Variants in INTS2 observed in about 807,000 individuals in gnomAD.
The protein encoded by INTS2 is KIAA1287.
Under a neutral mutation model 139.6 loss-of-function variants are expected in INTS2, and 57 were observed. That is an observed-to-expected ratio of 0.41 (90% confidence interval 0.33 to 0.51). INTS2 has a LOEUF of 0.51. INTS2 is among the 20% of genes least tolerant of loss of function. The pLI is 0.28. For missense variants in INTS2, 1,196 were observed against 1,436.7 expected, an observed-to-expected ratio of 0.83 and a Z score of 2.71; for synonymous variants, 473 against 493.4, an observed-to-expected ratio of 0.96 and a Z score of 0.55.
intron 13 of INTS2, 69 bp from the exon 14 acceptor site, chr17:61,891,758 T>C: frequency 1.8e-6 from 2 of 1,126,908 alleles, no homozygotes; most frequent in Admixed American, 2.7e-5. Context: ...ATTATAAAAG[T>C]ACATACAGTT....
At chr17:61,891,290 C>T (rs1436493809) in intron 14 of INTS2, among the ~76,000 whole-genome samples, 1 of 151,514 alleles carries the variant, frequency 6.6e-6, no homozygotes, top group Non-Finnish European at 1.5e-5. Flanking sequence ...CCAGCCTAGG[C>T]AACAAGAGTA....
chr17:61,870,009 G>A lies in INTS2; in HGVS notation c.2779-21C>T, dbSNP rs1378493020. 3 of 1,576,806 alleles carry A rather than the reference G, an allele frequency of 1.9e-6. No homozygotes were observed. The highest frequency in any genetic ancestry group is 3.7e-5 in the Admixed American group (2 of 53,496). On this transcript the variant is annotated intron_variant, in intron 20 of 24. Coordinates refer to ENST00000251334, the MANE Select transcript of INTS2 (RefSeq NM_001351695.2). The surrounding 1 kb of genome is among the most constrained non-coding windows in gnomAD (Gnocchi z 4.4). ...CTATCCTATAAGCAAACAAAACATA[G>A]AAAAAGTAAGAAGTTTCTAAGAAGT...
intron 4 of INTS2, 58 bp from the exon 5 acceptor site, chr17:61,919,571 A>G: frequency 1.1e-6 from 1 of 880,970 alleles, no homozygotes; most frequent in Non-Finnish European, 1.8e-6. Context: ...CACCACACCC[A>G]GCTAATTTTT....
rs1426959925 is a variant in INTS2, at chr17:61,865,788, T to C, written c.*1769A>G. The C allele has an allele frequency of 1.3e-5, 2 of 152,268 alleles. No individual in the cohort carries two copies. Among genetic ancestry groups the C allele is most frequent in the African/African-American group, 4.8e-5 (2 of 41,466 alleles). 9.4% of individuals were successfully genotyped at this position (152,268 alleles called of 1,614,324 possible). A position where few individuals can be genotyped will look rare whatever the true frequency, so the allele number is the denominator to read the frequency against. ...TAAAAATATGAAAATTCTTATGCTA[T>C]TTTTAAGATACTTTTATTACTTTTA... On this transcript the variant is annotated 3_prime_UTR_variant, in exon 25 of 25. Transcript: ENST00000251334. The surrounding 1 kb of genome is among the most constrained non-coding windows in gnomAD (Gnocchi z 4.8).
At chr17:61,880,910 T>C in intron 17 of INTS2, 97 bp downstream of exon 17, 2 of 976,460 alleles carry the variant, frequency 2.0e-6, no homozygotes. Flanking sequence ...CATTGTTATA[T>C]CCATGGGAAA....
intron 8 of INTS2, among the ~76,000 whole-genome samples, 175 bp from the exon 9 acceptor site, chr17:61,904,760 T>C (rs2079443725): frequency 6.6e-6 from 1 of 152,160 alleles, no homozygotes; most frequent in South Asian, 2.1e-4. Context: ...ACAACTACAG[T>C]GTTTTACTGT....
intron 9 of INTS2, among the ~76,000 whole-genome samples, chr17:61,901,501 A>G (rs2079404122): frequency 1.3e-5 from 2 of 150,274 alleles, no homozygotes; most frequent in African/African-American, 4.9e-5. Flanking sequence ...GAGCCAAAAA[A>G]GCACTCTTAG....
intron 9 of INTS2, 74 bp downstream of exon 9, chr17:61,904,386 C>CT: frequency 9.3e-7 from 1 of 1,074,900 alleles, no homozygotes; most frequent in Non-Finnish European, 1.4e-6. Context: ...AAACTCTTAT[C>CT]TAATGCTATA....
Position 61,907,578 on chromosome 17 carries a change from C to G in INTS2, c.1011G>C (p.Leu337=), listed in dbSNP as rs776005330. 2.5e-6 allele frequency: 4 copies of G among 1,593,170 alleles called. No individual in the cohort carries two copies. In the South Asian group the frequency reaches 3.4e-5, roughly 14 times the overall value. ...VLWQMRRQLL[L]ELMGILPTVR... is the part of the protein sequence containing the mutation. ...CTGTGGGAAGAATGCCCATCAACTC[C>G]AGAAGAAGCTGCCTTCTCATCTGCC... is the stretch of plus-strand genomic sequence containing the variant. Residue 337 remains leucine, a synonymous_variant, in exon 8 of 25, where the codon CTG becomes CTC. Coordinates refer to ENST00000251334, the MANE Select transcript of INTS2 (RefSeq NM_001351695.2).
At position 61,883,421 on chromosome 17, in the gene INTS2, A is replaced by C. The variant is rs547925979; in HGVS notation, c.2089+1480T>G. ...GCAGACATCCGGTTAACGATGAGCA[A>C]TGAAGGCTCATGTTTCTCCTTGAAA... On this transcript the variant is annotated intron_variant, in intron 16 of 24. Transcript: ENST00000251334. 3.3e-5 allele frequency among the ~76,000 whole-genome samples: 5 copies of C among 152,004 alleles called. No individual in the cohort carries two copies. In the South Asian group the frequency reaches 1.0e-3, roughly 32 times the overall value.
intron 11 of INTS2, among the ~76,000 whole-genome samples, chr17:61,895,692 ATG>A (rs1399577877): frequency 1.3e-5 from 2 of 152,098 alleles, no homozygotes; most frequent in Non-Finnish European, 2.9e-5. Context: ...GTGTGTGTGT[ATG>A]TGTGTGTCTG....
rs2079089819 is a variant in INTS2, at chr17:61,871,681, C to T, written c.2778+584G>A. On this transcript the variant is annotated intron_variant, in intron 20 of 24. Transcript: ENST00000251334. The surrounding 1 kb of genome is among the most constrained non-coding windows in gnomAD (Gnocchi z 4.9). The stretch of plus-strand genomic sequence containing the variant: ...GGGTGCCGTGGCTCATGCCTGTAAT[C>T]CCAGCACTTTGGGAAGCTGAGGTGG... Among the ~76,000 whole-genome samples, 1 of 152,042 alleles carries T rather than the reference C, an allele frequency of 6.6e-6. No individual in the cohort carries two copies. Among genetic ancestry groups the T allele is most frequent in the African/African-American group, 2.4e-5 (1 of 41,398 alleles).
Position 61,878,007 on chromosome 17 carries a change from A to AG in INTS2, c.2335_2336insC (p.Ile779ThrfsTer29). On this transcript the variant is annotated frameshift_variant, in exon 18 of 25. Transcript: ENST00000251334. LOFTEE classifies it high-confidence loss of function. Reference sequence around the variant, plus strand: ...GGATGTTAACACTTCCGCATATGGTATAAGTTCACTGGCAGAGAGTAGAGT... The same window carrying AG: ...GGATGTTAACACTTCCGCATATGGTAGTAAGTTCACTGGCAGAGAGTAGAGT... 1 of 1,612,532 alleles carries AG rather than the reference A, an allele frequency of 6.2e-7. No homozygotes were observed. The highest frequency in any genetic ancestry group is 8.5e-7 in the Non-Finnish European group (1 of 1,178,550).
At chr17:61,920,554 C>T (rs377592346) in intron 4 of INTS2, among the ~76,000 whole-genome samples, 2 of 149,436 alleles carry the variant, frequency 1.3e-5, no homozygotes, top group South Asian at 4.2e-4. Flanking sequence ...GCCTATAATC[C>T]CAGCATTTTG....
At chr17:61,915,230 C>T (rs1428372284) in intron 5 of INTS2, among the ~76,000 whole-genome samples, 1 of 151,494 alleles carries the variant, frequency 6.6e-6, no homozygotes, top group Non-Finnish European at 1.5e-5. Flanking sequence ...CCCAGCTACT[C>T]GGGAGGCTGA....
At position 61,866,892 on chromosome 17, in the gene INTS2, G is replaced by A. The variant is rs955639782; in HGVS notation, c.*665C>T. ...ATTCAAGTATCTCTTTAAACATATG[G>A]CTTCATATATTAATAAAAATTGAAG... On this transcript the variant is annotated 3_prime_UTR_variant, in exon 25 of 25. Coordinates refer to ENST00000251334, the MANE Select transcript of INTS2 (RefSeq NM_001351695.2). The A allele has an allele frequency of 6.6e-6, 1 of 151,928 alleles. No homozygotes were observed. Among genetic ancestry groups the A allele is most frequent in the Non-Finnish European group, 1.5e-5 (1 of 67,974 alleles). The allele number at this position is 151,928 out of a possible 1,614,324, so 9.4% of individuals were successfully genotyped here. A position where few individuals can be genotyped will look rare whatever the true frequency, so the allele number is the denominator to read the frequency against.
chr17:61,914,264 T>C (rs1205886899), intron 5 of INTS2, among the ~76,000 whole-genome samples: 1 of 152,102 alleles, frequency 6.6e-6, no homozygotes. Context: ...GAAGGAATAT[T>C]ATCAGCAATA....
intron 9 of INTS2, among the ~76,000 whole-genome samples, chr17:61,901,718 G>C: frequency 6.7e-6 from 1 of 148,976 alleles, no homozygotes; most frequent in Non-Finnish European, 1.5e-5. Context: ...TCCTGCCTCA[G>C]CCTACAGGAC....
At chr17:61,892,989 G>A (rs1464745124) in intron 13 of INTS2, among the ~76,000 whole-genome samples, 20 of 140,058 alleles carry the variant, frequency 1.4e-4, no homozygotes, top group Non-Finnish European at 3.2e-5. Flanking sequence ...CAGGAGTGGT[G>A]GCTCGCACCT....
Sources: allele counts gnomAD v4.1 joint callset (sites outside exome capture counted in the v4.1 genomes callset), GRCh38; gene constraint gnomAD v4.1.1; non-coding constraint Gnocchi (gnomAD v3.1); transcripts MANE v1.5; gene names NCBI Gene and HGNC (gene_info 2026-07-23, HGNC 2026-07-21).